The following RBMS1 variants were observed in gnomAD, a reference collection of about 807,000 sequenced individuals.
RBMS1 encodes RNA-binding motif, single-stranded-interacting protein 1.
Under a neutral mutation model 62.3 loss-of-function variants are expected in RBMS1, and 17 were observed. The ratio of observed to expected loss-of-function variants is 0.27; its 90% CI spans 0.19 to 0.41. The LOEUF is 0.41. RBMS1 is among the 10% of genes least tolerant of loss of function. RBMS1 has a pLI of 1.00. For missense variants in RBMS1, 334 were observed against 504.5 expected (o/e 0.66, Z 3.24); for synonymous variants, 172 against 170.0 (o/e 1.01, Z -0.09).
At chr2:160,439,929 CCTGCAATCGCAGGCACTCG>C (rs920454301) in intron 1 of RBMS1, among the ~76,000 whole-genome samples, 2 of 152,024 alleles carry the variant, frequency 1.3e-5, no homozygotes, top group African/African-American at 4.8e-5. Flanking sequence ...GCGGCGCGCG[CCTGCAATCGCAGGCACTCG>C]GCAAGCTGAG....
intron 1 of RBMS1, among the ~76,000 whole-genome samples, chr2:160,480,329 A>G (rs915797267): frequency 6.6e-6 from 1 of 152,198 alleles, no homozygotes; most frequent in African/African-American, 2.4e-5. Flanking sequence ...AATTAAAAAG[A>G]ACGTCATCTG....
chr2:160,278,919 C>G, intron 10 of RBMS1: 1 of 295,392 alleles, frequency 3.4e-6, no homozygotes. Flanking sequence ...GCCAGTGTCC[C>G]TCTTCTCCTT....
At chr2:160,315,308 T>C (rs942810446) in intron 3 of RBMS1, among the ~76,000 whole-genome samples, 3 of 152,192 alleles carry the variant, frequency 2.0e-5, no homozygotes, top group East Asian at 3.8e-4. Context: ...TGTATTACTT[T>C]CAAGTAAATA....
At chr2:160,416,937 T>C (rs566417515) in intron 1 of RBMS1, among the ~76,000 whole-genome samples, 1 of 152,282 alleles carries the variant, frequency 6.6e-6, no homozygotes. Context: ...TTCTATAGAT[T>C]GTATAGTGCT....
intron 1 of RBMS1, among the ~76,000 whole-genome samples, chr2:160,466,767 G>A (rs1444776530): frequency 6.6e-6 from 1 of 152,154 alleles, no homozygotes; most frequent in Non-Finnish European, 1.5e-5. Flanking sequence ...GCTAAGTGAA[G>A]CTCTGCTTCA....
chr2:160,458,770 T>C (rs2105329412), intron 1 of RBMS1, among the ~76,000 whole-genome samples: 1 of 151,450 alleles, frequency 6.6e-6, no homozygotes, highest in South Asian at 2.1e-4. Flanking sequence ...GCACTCCAGC[T>C]TGGGTAACAG....
At chr2:160,392,728 CA>C (rs1265077693) in intron 1 of RBMS1, among the ~76,000 whole-genome samples, 2 of 152,032 alleles carry the variant, frequency 1.3e-5, no homozygotes, top group Non-Finnish European at 2.9e-5. Context: ...CTTATCTCTA[CA>C]AAAAATTAAA....
At chr2:160,386,811 T>A (rs999236196) in intron 1 of RBMS1, among the ~76,000 whole-genome samples, 2 of 152,232 alleles carry the variant, frequency 1.3e-5, no homozygotes, top group African/African-American at 4.8e-5. Flanking sequence ...GTCTACTTTG[T>A]TAGAGCGGCC....
intron 1 of RBMS1, among the ~76,000 whole-genome samples, chr2:160,472,984 GTTGT>G (rs1370658318): frequency 6.6e-6 from 1 of 152,194 alleles, no homozygotes; most frequent in Non-Finnish European, 1.5e-5. Flanking sequence ...ACTCAACTAT[GTTGT>G]TTAATTGTAT....
At chr2:160,359,923 C>T (rs1032060336) in intron 2 of RBMS1, among the ~76,000 whole-genome samples, 1 of 152,068 alleles carries the variant, frequency 6.6e-6, no homozygotes, top group African/African-American at 2.4e-5. Flanking sequence ...GTTAGTTGCC[C>T]TAATTTCTTA....
At chr2:160,477,140 A>G (rs1426300855) in intron 1 of RBMS1, among the ~76,000 whole-genome samples, 1 of 152,212 alleles carries the variant, frequency 6.6e-6, no homozygotes, top group Non-Finnish European at 1.5e-5. Context: ...GCAACGAAAG[A>G]ATGAAACTTT....
At position 160,318,229 on chromosome 2, in the gene RBMS1, T is replaced by TAA. The variant is rs5835799; in HGVS notation, c.252-4_252-3dup. ...TTTGTGGAGACTATTTTCCCATATC[T>TAA]AAAAAAAAAAAAAAAAAAAAAAAGG... On this transcript the variant is annotated splice_polypyrimidine_tract_variant and splice_region_variant and intron_variant, in intron 2 of 13. Coordinates refer to ENST00000348849, the MANE Select transcript of RBMS1 (RefSeq NM_016836.4). The TAA allele has an allele frequency of 3.7e-3, 4,318 of 1,159,748 alleles. 1 individual carries two copies. Among genetic ancestry groups the TAA allele is most frequent in the South Asian group, 9.8e-3 (483 of 49,282 alleles). The allele number at this position is 1,159,748 out of a possible 1,614,324, so 71.8% of individuals were successfully genotyped here. A position where few individuals can be genotyped will look rare whatever the true frequency, so the allele number is the denominator to read the frequency against.
intron 1 of RBMS1, among the ~76,000 whole-genome samples, chr2:160,404,256 G>A (rs1695580108): frequency 6.6e-6 from 1 of 152,094 alleles, no homozygotes; most frequent in Non-Finnish European, 1.5e-5. Flanking sequence ...GGCCTGTGAG[G>A]CAGGAAAATC....
chr2:160,450,896 G>A (rs1392403411), intron 1 of RBMS1, among the ~76,000 whole-genome samples: 1 of 152,188 alleles, frequency 6.6e-6, no homozygotes, highest in South Asian at 2.1e-4. Flanking sequence ...AAAAAGGACA[G>A]GTGCAGTGGC....
rs11291335 is a variant in RBMS1, at chr2:160,301,599, CT to C, written c.561-870del. On this transcript the variant is annotated intron_variant, in intron 5 of 13. Coordinates refer to ENST00000348849, the MANE Select transcript of RBMS1 (RefSeq NM_016836.4). ...ACAGAGGTGACAAAATGATGCTGAG[CT>C]ATTCAGTGACTCACTTGCGTCATTT... Among the ~76,000 whole-genome samples the C allele has an allele frequency of 5.2e-3, 790 of 152,314 alleles. 8 individuals carry two copies. Among genetic ancestry groups the C allele is most frequent in the African/African-American group, 0.018 (757 of 41,562 alleles).
At chr2:160,296,602 T>A (rs1192778065) in intron 6 of RBMS1, among the ~76,000 whole-genome samples, 1 of 152,230 alleles carries the variant, frequency 6.6e-6, no homozygotes, top group Non-Finnish European at 1.5e-5. Context: ...CTGGCTGGAA[T>A]GAATCTAACT....
At chr2:160,454,730 T>C (rs918223525) in intron 1 of RBMS1, among the ~76,000 whole-genome samples, 1 of 152,130 alleles carries the variant, frequency 6.6e-6, no homozygotes, top group Non-Finnish European at 1.5e-5. Flanking sequence ...TGCACTTTCT[T>C]GTAAAGGCAC....
At chr2:160,444,944 G>GA (rs1458405678) in intron 1 of RBMS1, among the ~76,000 whole-genome samples, 1 of 152,120 alleles carries the variant, frequency 6.6e-6, no homozygotes, top group African/African-American at 2.4e-5. Context: ...CCAGAACTGT[G>GA]AAAAAACAAA....
rs769858802 is a variant in RBMS1 at position 160,277,397 on chromosome 2, T to C, written c.1063-14A>G. ...TGCAGGCATGTACTAGAAAGAAGAATGAGGTCAGAATGGGCAATGGTAAAC... is the reference window on the plus strand; with the variant it reads ...TGCAGGCATGTACTAGAAAGAAGAACGAGGTCAGAATGGGCAATGGTAAAC... On this transcript the variant is annotated splice_polypyrimidine_tract_variant and intron_variant, in intron 11 of 13. Transcript: ENST00000348849. 2 of 1,601,734 alleles carry C rather than the reference T, an allele frequency of 1.2e-6. No homozygotes were observed. The highest frequency in any genetic ancestry group is 3.3e-5 in the Admixed American group (2 of 59,972).
Sources: gnomAD v4.1 joint callset for allele counts (sites outside exome capture counted in the v4.1 genomes callset) on GRCh38, gnomAD v4.1.1 for gene constraint, MANE v1.5 for transcripts, NCBI Gene and HGNC (gene_info 2026-07-23, HGNC 2026-07-21) for gene names.